KANSL2: variants seen among roughly 807,000 people sequenced by gnomAD.
KANSL2 encodes KAT8 regulatory NSL complex subunit 2, also known as NSL complex protein NSL2.
KANSL2 carries 34 observed loss-of-function variants against 55.6 expected under a neutral mutation model. The ratio of observed to expected loss-of-function variants is 0.61; its 90% confidence interval spans 0.46 to 0.81. The LOEUF is 0.81. KANSL2 is among the 40% of genes least tolerant of loss of function. The pLI is 0.00. For missense variants in KANSL2, 502 were observed against 609.9 expected, an observed-to-expected ratio of 0.82 and a Z score of 1.86; for synonymous variants, 209 against 214.3, an observed-to-expected ratio of 0.98 and a Z score of 0.22.
chr12:48,660,076 G>A (rs994457972), intron 8 of KANSL2, among the ~76,000 whole-genome samples: 1 of 152,146 alleles, frequency 6.6e-6, no homozygotes, highest in South Asian at 2.1e-4. Flanking sequence ...GGTGGTAGTT[G>A]CGTAACTTTG....
chr12:48,672,255 A>T (rs992628840), intron 4 of KANSL2, among the ~76,000 whole-genome samples: 2 of 151,706 alleles, frequency 1.3e-5, no homozygotes, highest in African/African-American at 4.8e-5. Flanking sequence ...GAACACTTTA[A>T]ACTTTTATTA....
At chr12:48,682,048 A>G (rs1407072667) in intron 1 of KANSL2, 139 bp downstream of exon 1, 1 of 702,996 alleles carries the variant, frequency 1.4e-6, no homozygotes, top group Non-Finnish European at 2.6e-6. Flanking sequence ...GTCACCGGAG[A>G]TCCTGGCTCC....
Position 48,660,586 on chromosome 12 carries a change from T to A in KANSL2, c.1007A>T (p.Lys336Met). Residue 336 changes from lysine to methionine, a missense_variant, in exon 8 of 10, where the codon AAG (lysine) becomes ATG (methionine). Lys to Met is a moderately conservative substitution (Grantham distance 95). Transcript: ENST00000420613. ...ICQDTNQVLFKCCQGSEEVPC... is the reference protein window; with the variant it reads ...ICQDTNQVLFMCCQGSEEVPC... The stretch of plus-strand genomic sequence containing the variant: ...TACCTCTTCAGATCCCTGGCAGCAC[T>A]TGAAGAGAACCTGATTCGTATCCTG... The A allele has an allele frequency of 6.2e-7, 1 of 1,613,344 alleles. No individual in the cohort carries two copies. Among genetic ancestry groups the A allele is most frequent in the East Asian group, 2.2e-5 (1 of 44,886 alleles).
Position 48,667,673 on chromosome 12 carries a change from C to A in KANSL2, c.973+20G>T. On this transcript the variant is annotated intron_variant, in intron 7 of 9. Coordinates refer to ENST00000420613, the MANE Select transcript of KANSL2 (RefSeq NM_017822.4). The stretch of plus-strand genomic sequence containing the variant: ...TCAAACTAGCAAACCACAGCCTTAA[C>A]AGGCAGAGTAAAAAGATACGGGTAA... 6.4e-7 allele frequency: 1 copy of A among 1,551,032 alleles called. No individual in the cohort carries two copies. Among genetic ancestry groups the A allele is most frequent in the African/African-American group, 1.4e-5 (1 of 73,756 alleles).
rs751916365 is a variant in KANSL2 at position 48,653,778 on chromosome 12, A to T, written c.*266T>A. The stretch of plus-strand genomic sequence containing the variant: ...TCCATGACTTGGGAAATCCCATTAC[A>T]AAGATGTCACTTTCCTTTTAGGTAT... On this transcript the variant is annotated 3_prime_UTR_variant, in exon 10 of 10. Transcript: ENST00000420613. 1.6e-5 allele frequency: 5 copies of T among 320,528 alleles called. No homozygotes were observed. The highest frequency in any genetic ancestry group is 6.4e-5 in the African/African-American group (3 of 46,812). 19.9% of individuals were successfully genotyped at this position (320,528 alleles called of 1,614,324 possible).
At chr12:48,671,121 C>G (rs1179782087) in intron 5 of KANSL2, among the ~76,000 whole-genome samples, 1 of 151,694 alleles carries the variant, frequency 6.6e-6, no homozygotes, top group Admixed American at 6.6e-5. Context: ...AAAAATTAGC[C>G]GGGCATGGTG....
chr12:48,654,058 T>G lies in KANSL2; in HGVS notation c.1465A>C (p.Thr489Pro). The change falls in exon 10 of 10, where the codon ACT becomes CCT. Residue 489 changes from threonine to proline, a missense_variant. By Grantham distance (38) the Thr-to-Pro change is conservative (BLOSUM62 -1). Coordinates refer to ENST00000420613, the MANE Select transcript of KANSL2 (RefSeq NM_017822.4). ...TCCCCAAACTATCAACTAATAGAAG[T>G]GGGTTCTGGCTTCCCATTTGCAGTA... ...LATANGKPEPTSIS is the reference protein window; with the variant it reads ...LATANGKPEPPSIS 1 of 1,589,378 alleles carries G rather than the reference T, an allele frequency of 6.3e-7. No individual in the cohort carries two copies. The highest frequency in any genetic ancestry group is 8.5e-7 in the Non-Finnish European group (1 of 1,172,230).
intron 3 of KANSL2, 121 bp downstream of exon 3, chr12:48,679,534 T>C (rs79339204): frequency 1.3e-6 from 1 of 775,428 alleles, no homozygotes; most frequent in South Asian, 1.9e-5. Flanking sequence ...ATCCCAGCAT[T>C]CTCACCAAAT....
At chr12:48,679,471 A>C (rs1939882186) in intron 3 of KANSL2, among the ~76,000 whole-genome samples, 184 bp downstream of exon 3, 2 of 152,238 alleles carry the variant, frequency 1.3e-5, no homozygotes, top group Admixed American at 6.5e-5. Flanking sequence ...TCAGGAAAGT[A>C]AACCTAGGCA....
intron 4 of KANSL2, among the ~76,000 whole-genome samples, chr12:48,676,150 G>A (rs1159738820): frequency 6.6e-6 from 1 of 152,028 alleles, no homozygotes; most frequent in Non-Finnish European, 1.5e-5. Flanking sequence ...TCCCTCTGTT[G>A]CCCAGACTGG....
rs767083303 is a variant in KANSL2, at chr12:48,662,662, A to G, written c.974-2043T>C. ...TGGCAGTCGCATCTTTCTCTGGGATAAGGACTTAAGGAAGGGTAAGTGACT... is the reference window on the plus strand; with the variant it reads ...TGGCAGTCGCATCTTTCTCTGGGATGAGGACTTAAGGAAGGGTAAGTGACT... On this transcript the variant is annotated intron_variant, in intron 7 of 9. Transcript: ENST00000420613. 1.9e-5 allele frequency: 24 copies of G among 1,286,244 alleles called. No individual in the cohort carries two copies. The South Asian group carries it at 2.5e-4, about 13-fold the overall frequency. 79.7% of individuals were successfully genotyped at this position (1,286,244 alleles called of 1,614,324 possible).
chr12:48,654,071 C>T lies in KANSL2; in HGVS notation c.1452G>A (p.Gly484=). The T allele has an allele frequency of 6.2e-7, 1 of 1,602,016 alleles. No individual in the cohort carries two copies. ...AACTAATAGAAGTGGGTTCTGGCTT[C>T]CCATTTGCAGTAGCCAATCCACTCT... ...LSQSGLATAN[G]KPEPTSIS is the part of the protein sequence containing the mutation. The change falls in exon 10 of 10, where the codon GGG becomes GGA. Residue 484 remains glycine, a synonymous_variant. Coordinates refer to ENST00000420613, the MANE Select transcript of KANSL2 (RefSeq NM_017822.4).
chr12:48,666,422 G>A (rs1939601543), intron 7 of KANSL2, among the ~76,000 whole-genome samples: 1 of 151,798 alleles, frequency 6.6e-6, no homozygotes, highest in Admixed American at 6.6e-5. Flanking sequence ...GCCAGGTGCA[G>A]TGGCTCATGC....
intron 7 of KANSL2, among the ~76,000 whole-genome samples, chr12:48,661,768 G>A (rs958490957): frequency 2.0e-5 from 3 of 152,138 alleles, no homozygotes; most frequent in African/African-American, 7.2e-5. Flanking sequence ...CAACACTGTA[G>A]GCCAGGTACA....
intron 7 of KANSL2, among the ~76,000 whole-genome samples, chr12:48,664,694 C>T (rs903508070): frequency 1.3e-5 from 2 of 150,878 alleles, no homozygotes; most frequent in Non-Finnish European, 2.9e-5. Flanking sequence ...CAATTCTCTG[C>T]CTCAGCCTCC....
chr12:48,666,639 G>C (rs1435288039), intron 7 of KANSL2, among the ~76,000 whole-genome samples: 2 of 151,476 alleles, frequency 1.3e-5, no homozygotes, highest in Non-Finnish European at 2.9e-5. Context: ...GTTGCAGTGA[G>C]CCGAGATCAC....
intron 8 of KANSL2, chr12:48,656,929 C>CT: frequency 3.7e-6 from 1 of 272,532 alleles, no homozygotes; most frequent in East Asian, 9.9e-5. Context: ...TATAGATGCT[C>CT]CGTGTTTCTA....
chr12:48,669,675 G>GC (rs1348539171), intron 5 of KANSL2, among the ~76,000 whole-genome samples: 1 of 151,790 alleles, frequency 6.6e-6, no homozygotes, highest in Non-Finnish European at 1.5e-5. Context: ...CCGCCACCAC[G>GC]CCCGGCTAAT....
chr12:48,668,560 A>G (rs1435097930), intron 6 of KANSL2, among the ~76,000 whole-genome samples: 1 of 152,164 alleles, frequency 6.6e-6, no homozygotes, highest in Non-Finnish European at 1.5e-5. Flanking sequence ...TCAGCCAGAC[A>G]TGGTGGCACA....
Sources: gnomAD v4.1 joint callset for allele counts (sites outside exome capture counted in the v4.1 genomes callset) on GRCh38, gnomAD v4.1.1 for gene constraint, MANE v1.5 for transcripts, NCBI Gene and HGNC (gene_info 2026-07-23, HGNC 2026-07-21) for gene names.